The following PCDHA8 variants were observed in gnomAD, a reference collection of about 807,000 sequenced individuals.
PCDHA8 encodes the protein protocadherin alpha 8.
In PCDHA8, 53 loss-of-function variants were observed where a neutral mutation model predicts 61.8. The observed-to-expected ratio is 0.86, with a 90% CI of 0.69 to 1.08. The LOEUF (loss-of-function observed/expected upper bound fraction) is 1.08. Ranked by LOEUF, PCDHA8 falls within the 50% of genes least tolerant of loss-of-function variation. The probability of loss-of-function intolerance (pLI) is 0.00; values close to 1 mark genes in which losing one functional copy is unlikely to be tolerated. For missense variants in PCDHA8, 1,293 were observed against 1,245.0 expected, an observed-to-expected ratio of 1.04 and a Z score of -0.58; for synonymous variants, 618 against 556.6, an observed-to-expected ratio of 1.11 and a Z score of -1.55.
At chr5:140,953,996 T>C (rs989520486) in intron 1 of PCDHA8, among the ~76,000 whole-genome samples, 1 of 152,158 alleles carries the variant, frequency 6.6e-6, no homozygotes, top group African/African-American at 2.4e-5. Context: ...TCATGTGTAC[T>C]CATCATTCAG....
At chr5:140,903,636 T>C (rs1330875573) in intron 1 of PCDHA8, among the ~76,000 whole-genome samples, 3 of 152,236 alleles carry the variant, frequency 2.0e-5, no homozygotes, top group African/African-American at 7.2e-5. Context: ...TGTATGCATA[T>C]ACCATATACA....
chr5:140,850,784 T>C (rs2150498192), intron 1 of PCDHA8: 7 of 1,597,982 alleles, frequency 4.4e-6, no homozygotes, highest in South Asian at 1.1e-5. Flanking sequence ...CTGGCGAGGG[T>C]AAGCAGAAGA....
At chr5:140,998,199 C>A (rs1472137266) in intron 3 of PCDHA8, among the ~76,000 whole-genome samples, 2 of 152,172 alleles carry the variant, frequency 1.3e-5, no homozygotes, top group Non-Finnish European at 2.9e-5. Flanking sequence ...GTATTAACTC[C>A]TTTAATCTGT....
chr5:140,967,566 G>A, intron 1 of PCDHA8: 2 of 1,614,060 alleles, frequency 1.2e-6, no homozygotes, highest in South Asian at 2.2e-5. Context: ...GTCCAGCTAC[G>A]GGAGGACTCA....
At chr5:140,982,218 G>A (rs1054533925) in intron 2 of PCDHA8, 11 of 523,574 alleles carry the variant, frequency 2.1e-5, no homozygotes, top group African/African-American at 7.7e-5. Context: ...GCCACATGGC[G>A]TTAATAAAAA....
chr5:140,965,011 A>T (rs1418726287), intron 1 of PCDHA8, among the ~76,000 whole-genome samples: 1 of 152,186 alleles, frequency 6.6e-6, no homozygotes, highest in Non-Finnish European at 1.5e-5. Context: ...TGTCAGGATC[A>T]CAACCTTGGC....
At chr5:140,973,665 T>G (rs1309458037) in intron 1 of PCDHA8, among the ~76,000 whole-genome samples, 1 of 152,248 alleles carries the variant, frequency 6.6e-6, no homozygotes, top group African/African-American at 2.4e-5. Context: ...CTATTTATTG[T>G]AGCTTGAATG....
chr5:140,898,542 T>G (rs368410152), intron 1 of PCDHA8, among the ~76,000 whole-genome samples: 2 of 152,286 alleles, frequency 1.3e-5, no homozygotes, highest in East Asian at 3.9e-4. Context: ...CTGTTCCATT[T>G]ATCTATGTCT....
chr5:140,967,262 C>G (rs1554229356), intron 1 of PCDHA8: 1 of 1,613,522 alleles, frequency 6.2e-7, no homozygotes, highest in African/African-American at 1.3e-5. Flanking sequence ...GCCTGGAGCG[C>G]GCTTTCACAT....
chr5:140,941,173 A>G (rs1235741316), intron 1 of PCDHA8, among the ~76,000 whole-genome samples: 5 of 135,522 alleles, frequency 3.7e-5, no homozygotes, highest in Non-Finnish European at 4.9e-5. Flanking sequence ...CCCCATCTTG[A>G]ACATCCTGCT....
chr5:140,926,358 A>C (rs1157995876), intron 1 of PCDHA8: 1 of 152,230 alleles, frequency 6.6e-6, no homozygotes, highest in Non-Finnish European at 1.5e-5. Context: ...CGGCTCCCAA[A>C]GGGCGGCAGG....
intron 1 of PCDHA8, chr5:140,929,690 C>T (rs921103809): frequency 1.4e-5 from 4 of 278,364 alleles, no homozygotes; most frequent in Non-Finnish European, 2.8e-5. Context: ...TAAGAGTCTG[C>T]TTTATATGAA....
At position 140,985,761 on chromosome 5, in the gene PCDHA8, A is replaced by C. The variant is rs1239020885; in HGVS notation, c.2542+3198A>C. On this transcript the variant is annotated intron_variant, in intron 3 of 3. Transcript: ENST00000531613. ...TTCCTTTTTTTTTTTTTTTTTTTTGAGACAGTCTCGCTCTGTCGCCCAGGC... is the reference window on the plus strand; with the variant it reads ...TTCCTTTTTTTTTTTTTTTTTTTTGCGACAGTCTCGCTCTGTCGCCCAGGC... 7.9e-5 allele frequency among the ~76,000 whole-genome samples: 5 copies of C among 63,266 alleles called. No individual in the cohort carries two copies. In the East Asian group the frequency reaches 3.3e-3, roughly 41 times the overall value. 41.5% of individuals were successfully genotyped at this position (63,266 alleles called of 152,430 possible). A position where few individuals can be genotyped will look rare whatever the true frequency, so the allele number is the denominator to read the frequency against.
At chr5:140,907,071 C>T (rs1220660624) in intron 1 of PCDHA8, among the ~76,000 whole-genome samples, 1 of 152,156 alleles carries the variant, frequency 6.6e-6, no homozygotes, top group African/African-American at 2.4e-5. Flanking sequence ...TAGTGGGTCA[C>T]TAGGGGTGAT....
chr5:140,894,724 C>T (rs1322007306), intron 1 of PCDHA8, among the ~76,000 whole-genome samples: 7 of 151,784 alleles, frequency 4.6e-5, no homozygotes, highest in African/African-American at 9.7e-5. Context: ...TCAAATATTA[C>T]GTAGCAATTT....
chr5:140,999,922 C>T (rs2097883458), intron 3 of PCDHA8, among the ~76,000 whole-genome samples: 1 of 152,154 alleles, frequency 6.6e-6, no homozygotes, highest in Non-Finnish European at 1.5e-5. Context: ...AATCTTCTTC[C>T]AGCTCAACTC....
At chr5:140,901,942 T>C (rs1307043698) in intron 1 of PCDHA8, among the ~76,000 whole-genome samples, 4 of 152,128 alleles carry the variant, frequency 2.6e-5, no homozygotes, top group Non-Finnish European at 5.9e-5. Flanking sequence ...TAGGTATATT[T>C]AGTTTTATTC....
intron 1 of PCDHA8, among the ~76,000 whole-genome samples, chr5:140,976,307 T>C (rs955106939): frequency 6.6e-6 from 1 of 152,100 alleles, no homozygotes; most frequent in African/African-American, 2.4e-5. Flanking sequence ...TCCCAGCACT[T>C]TGGGAGGCCG....
intron 1 of PCDHA8, among the ~76,000 whole-genome samples, chr5:140,940,415 A>G (rs1187271340): frequency 2.0e-5 from 3 of 152,118 alleles, no homozygotes; most frequent in African/African-American, 7.2e-5. Flanking sequence ...TAAAAATTAT[A>G]ATTATTACTG....
Sources: gnomAD v4.1 joint callset for allele counts (sites outside exome capture counted in the v4.1 genomes callset) on GRCh38, gnomAD v4.1.1 for gene constraint, MANE v1.5 for transcripts, NCBI Gene and HGNC (gene_info 2026-07-23, HGNC 2026-07-21) for gene names.